FPR2: variants seen among roughly 807,000 people sequenced by gnomAD.
FPR2 encodes the protein N-formyl peptide receptor 2.
FPR2 carries 3 observed loss-of-function variants against 4.0 expected under a neutral mutation model. The ratio of observed to expected loss-of-function variants is 0.74; its 90% CI spans 0.34 to 1.92. The LOEUF is 1.92. FPR2 is among the 30% of genes most tolerant of loss of function. The pLI, the probability that FPR2 is intolerant of heterozygous loss-of-function variation, is 0.07. For missense variants in FPR2, 372 were observed against 435.7 expected (o/e 0.85, Z 1.30); for synonymous variants, 179 against 171.5 (o/e 1.04, Z -0.34).
Position 51,768,072 on chromosome 19 carries a change from AACATACTACT to A in FPR2, c.-14-568_-14-559del, listed in dbSNP as rs551454679. On this transcript the variant is annotated intron_variant, in intron 1 of 1. Coordinates refer to ENST00000340023, the MANE Select transcript of FPR2 (RefSeq NM_001005738.2). The stretch of plus-strand genomic sequence containing the variant: ...CTCTAGTGCAGAATCCTCAGGATAT[AACATACTACT>A]ACATGTTACCAGTGACTCCTCAAAA... Among the ~76,000 whole-genome samples, 361 of 152,274 alleles carry A rather than the reference AACATACTACT, an allele frequency of 2.4e-3. 1 individual carries two copies. The highest frequency in any genetic ancestry group is 0.015 in the Admixed American group (225 of 15,290).
chr19:51,769,657 T>C lies in FPR2; in HGVS notation c.999T>C (p.Asn333=). ...TGTCTGAGGACTCAGCCCCAACTAA[T>C]GACACGGCTGCCAATTCTGCTTCAC... ...RALSEDSAPT[N]DTAANSASPP... is the part of the protein sequence containing the mutation. Residue 333 remains asparagine (N), a synonymous_variant, in exon 2 of 2, where the codon AAT becomes AAC. Coordinates refer to ENST00000340023, the MANE Select transcript of FPR2 (RefSeq NM_001005738.2). This position sits in a 1 kb window ranked among gnomAD's most constrained non-coding sequence, Gnocchi z 4.4. 2 of 1,614,184 alleles carry C rather than the reference T, an allele frequency of 1.2e-6. No individual in the cohort carries two copies. The highest frequency in any genetic ancestry group is 1.7e-6 in the Non-Finnish European group (2 of 1,180,024).
At chr19:51,766,078 C>A (rs889618838) in intron 1 of FPR2, among the ~76,000 whole-genome samples, 1 of 152,198 alleles carries the variant, frequency 6.6e-6, no homozygotes, top group Admixed American at 6.5e-5. Flanking sequence ...TGCCACCAGG[C>A]CCGGCTAATT....
intron 1 of FPR2, among the ~76,000 whole-genome samples, chr19:51,767,935 T>C (rs1402558531): frequency 2.0e-5 from 3 of 152,040 alleles, no homozygotes; most frequent in African/African-American, 7.2e-5. Flanking sequence ...ACCAAAGCTA[T>C]ACAAATCGGC....
chr19:51,766,444 G>A (rs1279112518), intron 1 of FPR2, among the ~76,000 whole-genome samples: 1 of 152,170 alleles, frequency 6.6e-6, no homozygotes, highest in Non-Finnish European at 1.5e-5. Flanking sequence ...AGGTGCCAAG[G>A]TTGAGAAACC....
At chr19:51,761,742 GA>G (rs2083839767) in intron 1 of FPR2, among the ~76,000 whole-genome samples, 1 of 152,124 alleles carries the variant, frequency 6.6e-6, no homozygotes, top group African/African-American at 2.4e-5. Flanking sequence ...GCAGTGAGCC[GA>G]TATCGTGCCA....
Position 51,769,008 on chromosome 19 carries a change from G to A in FPR2, c.350G>A (p.Gly117Asp). 3 of 1,614,188 alleles carry A rather than the reference G, an allele frequency of 1.9e-6. No individual in the cohort carries two copies. The South Asian group carries it at 3.3e-5, about 18-fold the overall frequency. ...CTCTTTGGAAGTGTCTTCTTGATTG[G>A]TTTCATTGCACTGGACCGCTGCATT... The part of the protein sequence containing the change: ...INLFGSVFLI[G>D]FIALDRCICV... The change falls in exon 2 of 2, where the codon GGT (glycine) becomes GAT (aspartate). Residue 117 changes from glycine to aspartate, a missense_variant. By Grantham distance (94) the Gly-to-Asp change is moderately conservative. Transcript: ENST00000340023. This position sits in a 1 kb window ranked among gnomAD's most constrained non-coding sequence, Gnocchi z 4.4.
chr19:51,770,226 A>G lies in FPR2; in HGVS notation c.*512A>G, dbSNP rs2083893425. The stretch of plus-strand genomic sequence containing the variant: ...TTATTCTTCTTCTTTTATGTAAATC[A>G]TTATAAATAATGTTCATTAAGTTCT... On this transcript the variant is annotated 3_prime_UTR_variant, in exon 2 of 2. Transcript: ENST00000340023. The G allele has an allele frequency of 5.9e-6, 1 of 168,654 alleles. No homozygotes were observed. The highest frequency in any genetic ancestry group is 1.4e-5 in the Non-Finnish European group (1 of 69,090). The allele number at this position is 168,654 out of a possible 1,614,324, so 10.4% of individuals were successfully genotyped here. A position where few individuals can be genotyped will look rare whatever the true frequency, so the allele number is the denominator to read the frequency against.
rs116085531 is a variant in FPR2, at chr19:51,768,415, C to T, written c.-14-230C>T. The T allele has an allele frequency of 1.5e-3, 723 of 489,290 alleles. 3 individuals are homozygous for T. Among genetic ancestry groups the T allele is most frequent in the African/African-American group, 0.013 (672 of 52,366 alleles). 30.3% of individuals were successfully genotyped at this position (489,290 alleles called of 1,614,324 possible). A position where few individuals can be genotyped will look rare whatever the true frequency, so the allele number is the denominator to read the frequency against. Reference sequence around the variant, plus strand: ...AATCCTCTTGGTGAAGTGATCAGCCCGATAAGCGAAATGCATATTGATAAT... The same window carrying T: ...AATCCTCTTGGTGAAGTGATCAGCCTGATAAGCGAAATGCATATTGATAAT... On this transcript the variant is annotated intron_variant, in intron 1 of 1. Transcript: ENST00000340023.
intron 1 of FPR2, among the ~76,000 whole-genome samples, chr19:51,767,622 T>G (rs2083875210): frequency 6.6e-6 from 1 of 152,066 alleles, no homozygotes; most frequent in Non-Finnish European, 1.5e-5. Flanking sequence ...CAGAGAAGAA[T>G]GGGGAACCGT....
intron 1 of FPR2, among the ~76,000 whole-genome samples, chr19:51,766,324 G>A (rs2122359707): frequency 6.6e-6 from 1 of 152,322 alleles, no homozygotes; most frequent in East Asian, 1.9e-4. Flanking sequence ...CATTTCTGGA[G>A]AAGGAGTTGC....
At chr19:51,767,844 T>C (rs569267614) in intron 1 of FPR2, among the ~76,000 whole-genome samples, 1 of 152,288 alleles carries the variant, frequency 6.6e-6, no homozygotes, top group Non-Finnish European at 1.5e-5. Flanking sequence ...TATGTAGTAA[T>C]TAACACAATG....
In FPR2 at chr19:51,769,562, T is replaced by C. The variant is rs1667840771; in HGVS notation, c.904T>C (p.Tyr302His). The C allele has an allele frequency of 6.2e-7, 1 of 1,614,210 alleles. No homozygotes were observed. The highest frequency in any genetic ancestry group is 1.3e-5 in the African/African-American group (1 of 75,056). The part of the protein sequence containing the change: ...FFNSCLNPML[Y>H]VFVGQDFRER... ...CAACAGCTGCCTCAACCCCATGCTT[T>C]ACGTCTTTGTGGGCCAAGACTTCCG... The change falls in exon 2 of 2, where the codon TAC (tyrosine) becomes CAC (histidine). Residue 302 changes from tyrosine to histidine, a missense_variant. Transcript: ENST00000340023. The surrounding 1 kb of genome is among the most constrained non-coding windows in gnomAD (Gnocchi z 4.4).
chr19:51,768,384 C>G (rs2083879265), intron 1 of FPR2: 1 of 412,324 alleles, frequency 2.4e-6, no homozygotes, highest in Non-Finnish European at 4.4e-6. Context: ...TCAGTATGAG[C>G]CTTGTAATCC....
At chr19:51,761,726 G>A (rs1038644980) in intron 1 of FPR2, among the ~76,000 whole-genome samples, 2 of 152,136 alleles carry the variant, frequency 1.3e-5, no homozygotes, top group Non-Finnish European at 2.9e-5. Flanking sequence ...CTAGGAGGCC[G>A]AGGTTGCAGT....
intron 1 of FPR2, among the ~76,000 whole-genome samples, chr19:51,766,215 C>G (rs2083867721): frequency 6.6e-6 from 1 of 152,238 alleles, no homozygotes; most frequent in Non-Finnish European, 1.5e-5. Flanking sequence ...GCCACCGTAT[C>G]TGGCTGAGCC....
chr19:51,762,065 G>A (rs2083841236), intron 1 of FPR2, among the ~76,000 whole-genome samples: 1 of 149,738 alleles, frequency 6.7e-6, no homozygotes, highest in African/African-American at 2.4e-5. Context: ...GTTGAAAATA[G>A]CATCACCATT....
chr19:51,768,787 C>A lies in FPR2; in HGVS notation c.129C>A (p.Gly43=), dbSNP rs372204077. The change falls in exon 2 of 2, where the codon GGC becomes GGA. Residue 43 remains glycine, a synonymous_variant. Coordinates refer to ENST00000340023, the MANE Select transcript of FPR2 (RefSeq NM_001005738.2). The part of the protein sequence containing the change: ...LGVTFVLGVL[G]NGLVIWVAGF... ...TCACCTTTGTCCTCGGGGTCCTGGG[C>A]AATGGGCTTGTGATCTGGGTGGCTG... The A allele has an allele frequency of 1.1e-5, 18 of 1,614,012 alleles. No individual in the cohort carries two copies. The highest frequency in any genetic ancestry group is 2.2e-5 in the South Asian group (2 of 91,082).
chr19:51,768,947 C>T lies in FPR2; in HGVS notation c.289C>T (p.Leu97=), dbSNP rs1404302273. The part of the protein sequence containing the change: ...MGEKWPFGWF[L]CKLIHIVVDI... ...AGAAAAATGGCCTTTTGGCTGGTTC[C>T]TGTGTAAGTTAATTCACATCGTGGT... The change falls in exon 2 of 2, where the codon CTG becomes TTG. Residue 97 remains leucine (L), a synonymous_variant. Transcript: ENST00000340023. The T allele has an allele frequency of 3.1e-6, 5 of 1,614,038 alleles. No homozygotes were observed. Among genetic ancestry groups the T allele is most frequent in the Admixed American group, 1.7e-5 (1 of 59,996 alleles).
At position 51,769,648 on chromosome 19, in the gene FPR2, C is replaced by T; in HGVS notation, c.990C>T (p.Ala330=). Residue 330 remains alanine (A), a synonymous_variant, in exon 2 of 2, where the codon GCC becomes GCT. Transcript: ENST00000340023. The surrounding 1 kb of genome is among the most constrained non-coding windows in gnomAD (Gnocchi z 4.4). The part of the protein sequence containing the change: ...SLERALSEDS[A]PTNDTAANSA... ...AGAGGGCCCTGTCTGAGGACTCAGC[C>T]CCAACTAATGACACGGCTGCCAATT... 6.2e-7 allele frequency: 1 copy of T among 1,614,136 alleles called. No individual in the cohort carries two copies. The highest frequency in any genetic ancestry group is 1.1e-5 in the South Asian group (1 of 91,084).
Sources: gnomAD v4.1 joint callset for allele counts (sites outside exome capture counted in the v4.1 genomes callset) on GRCh38, gnomAD v4.1.1 for gene constraint, Gnocchi (gnomAD v3.1) non-coding constraint, MANE v1.5 for transcripts, NCBI Gene and HGNC (gene_info 2026-07-23, HGNC 2026-07-21) for gene names.